Variants in CIITA observed in about 807,000 individuals in gnomAD.
CIITA encodes class II major histocompatibility complex transactivator.
CIITA carries 72 observed loss-of-function variants against 115.1 expected under a neutral mutation model. The ratio of observed to expected loss-of-function variants is 0.63; its 90% CI spans 0.52 to 0.76. CIITA has a LOEUF of 0.76. Ranked by LOEUF, CIITA falls within the 30% of genes least tolerant of loss-of-function variation. The pLI, the probability that CIITA is intolerant of heterozygous loss-of-function variation, is 0.00. For missense variants in CIITA, 1,617 were observed against 1,463.8 expected, an observed-to-expected ratio of 1.10 and a Z score of -1.71; for synonymous variants, 763 against 635.6, an observed-to-expected ratio of 1.20 and a Z score of -3.02.
Position 10,910,272 on chromosome 16 carries a change from G to T in CIITA, c.2888+13G>T. The stretch of plus-strand genomic sequence containing the variant: ...AACTGGAGTTTGCGTAAGCAAAGGG[G>T]TGGATTGTCTTGTGGGTCTGCGCAA... On this transcript the variant is annotated intron_variant, in intron 13 of 19. Transcript: ENST00000324288. 1 of 1,612,594 alleles carries T rather than the reference G, an allele frequency of 6.2e-7. No homozygotes were observed. Among genetic ancestry groups the T allele is most frequent in the Non-Finnish European group, 8.5e-7 (1 of 1,178,870 alleles).
rs2041108660 is a variant in CIITA at position 10,941,955 on chromosome 16, G to C, written n.1081G>C. The stretch of plus-strand genomic sequence containing the variant: ...GCAGCAGCGGCGGCGGCACGTAGGG[G>C]ACCAGGGGGCCCAGTGCGTCCAGGT... On this transcript the variant is annotated non_coding_transcript_exon_variant, in exon 2 of 2. Transcript: ENST00000573379. The surrounding 1 kb of genome is among the most constrained non-coding windows in gnomAD (Gnocchi z 6.4). 19 of 1,570,436 alleles carry C rather than the reference G, an allele frequency of 1.2e-5. No homozygotes were observed. The highest frequency in any genetic ancestry group is 1.6e-5 in the Non-Finnish European group (19 of 1,158,874).
rs1052349114 is a variant in CIITA at position 10,926,130 on chromosome 16, G to A, written c.*2275G>A. ...ACCAGCCCCAGTGCCCACAGGATCA[G>A]TCTGATTCCCAAGCTCTGCTCCTCT... On this transcript the variant is annotated 3_prime_UTR_variant, in exon 20 of 20. Coordinates refer to ENST00000324288, the MANE Select transcript of CIITA (RefSeq NM_000246.4). 2 of 152,268 alleles carry A rather than the reference G, an allele frequency of 1.3e-5. No individual in the cohort carries two copies. Among genetic ancestry groups the A allele is most frequent in the African/African-American group, 4.8e-5 (2 of 41,460 alleles). 9.4% of individuals were successfully genotyped at this position (152,268 alleles called of 1,614,324 possible).
intron 1 of CIITA, 73 bp from the exon 2 acceptor site, chr16:10,895,209 G>A (rs1471837046): frequency 6.4e-7 from 1 of 1,573,350 alleles, no homozygotes; most frequent in Non-Finnish European, 8.7e-7. Flanking sequence ...CCAGCTGGGA[G>A]TTGTTGTAGG....
chr16:10,895,562 C>T, intron 2 of CIITA, 107 bp from the exon 3 acceptor site: 2 of 1,558,710 alleles, frequency 1.3e-6, no homozygotes, highest in Non-Finnish European at 1.8e-6. Context: ...GTGGGACGCT[C>T]TCTGCAGATG....
intron 13 of CIITA, 47 bp from the exon 14 acceptor site, chr16:10,915,523 G>A: frequency 6.8e-7 from 1 of 1,462,004 alleles, no homozygotes; most frequent in Non-Finnish European, 9.6e-7. Flanking sequence ...CTGAATGAGG[G>A]GCTGTGACTG....
chr16:10,941,632 A>G lies in CIITA; in HGVS notation n.758A>G, dbSNP rs2041103894. On this transcript the variant is annotated non_coding_transcript_exon_variant, in exon 2 of 2. Transcript: ENST00000573379. The surrounding 1 kb of genome is among the most constrained non-coding windows in gnomAD (Gnocchi z 6.4). ...CATCCCCGTCCAGATGGTGCCCCCA[A>G]CCAGCTGCGGCGGCATGATCTGGGC... The G allele has an allele frequency of 4.6e-6, 7 of 1,524,866 alleles. No homozygotes were observed. The highest frequency in any genetic ancestry group is 1.8e-4 in the Middle Eastern group (1 of 5,496). The allele number at this position is 1,524,866 out of a possible 1,614,324, so 94.5% of individuals were successfully genotyped here.
downstream of CIITA, chr16:10,936,395 G>A (rs1313329766): frequency 1.3e-5 from 2 of 152,148 alleles, no homozygotes; most frequent in African/African-American, 2.4e-5. Context: ...TAGGAGTAAA[G>A]GTGCATAATG....
chr16:10,915,784 T>G, intron 14 of CIITA, 134 bp downstream of exon 14: 1 of 816,228 alleles, frequency 1.2e-6, no homozygotes, highest in Admixed American at 2.0e-5. Flanking sequence ...GGACCACAGG[T>G]GCATGCTACA....
chr16:10,875,401 A>G (rs1288319834), upstream of CIITA, among the ~76,000 whole-genome samples: 1 of 152,182 alleles, frequency 6.6e-6, no homozygotes, highest in Non-Finnish European at 1.5e-5. Context: ...AAGGCTTCAA[A>G]GTAATCACCT....
intron 7 of CIITA, 82 bp from the exon 8 acceptor site, chr16:10,902,576 G>A: frequency 6.4e-7 from 1 of 1,574,136 alleles, no homozygotes; most frequent in Non-Finnish European, 8.7e-7. Flanking sequence ...AGGGGGGTCA[G>A]ACATTAATCA....
chr16:10,937,798 G>A (rs972961035), downstream of CIITA: 1 of 152,224 alleles, frequency 6.6e-6, no homozygotes, highest in African/African-American at 2.4e-5. The surrounding 1 kb of genome is among the most constrained non-coding windows in gnomAD (Gnocchi z 4.2). Flanking sequence ...CCCATTCCCT[G>A]CTCCTGGGCA....
chr16:10,922,161 C>G lies in CIITA; in HGVS notation c.3150-6C>G. ...AATCCCTCCCCCTGGCCTCTGTTTC[C>G]GACAGCTTGTACAATAACTGCATCT... is the stretch of plus-strand genomic sequence containing the variant. On this transcript the variant is annotated splice_region_variant and splice_polypyrimidine_tract_variant and intron_variant, in intron 16 of 19. Coordinates refer to ENST00000324288, the MANE Select transcript of CIITA (RefSeq NM_000246.4). The G allele has an allele frequency of 6.2e-7, 1 of 1,614,118 alleles. No homozygotes were observed. The highest frequency in any genetic ancestry group is 8.5e-7 in the Non-Finnish European group (1 of 1,179,952).
At position 10,901,880 on chromosome 16, in the gene CIITA, C is replaced by A. The variant is rs2038795474; in HGVS notation, c.482-158C>A. 3 of 1,065,220 alleles carry A rather than the reference C, an allele frequency of 2.8e-6. No homozygotes were observed. The highest frequency in any genetic ancestry group is 4.2e-6 in the Non-Finnish European group (3 of 706,814). The allele number at this position is 1,065,220 out of a possible 1,614,324, so 66.0% of individuals were successfully genotyped here. On this transcript the variant is annotated intron_variant, in intron 6 of 19. Coordinates refer to ENST00000324288, the MANE Select transcript of CIITA (RefSeq NM_000246.4). The surrounding 1 kb of genome is among the most constrained non-coding windows in gnomAD (Gnocchi z 6.8). ...AGGAGAGGACTGGGGGACTGCCTGG[C>A]ACAGAGCAGTTGCTGATCAACACAG...
intron 1 of CIITA, chr16:10,888,656 A>C (rs2037205579): frequency 6.6e-6 from 1 of 152,238 alleles, no homozygotes; most frequent in Admixed American, 6.5e-5. Flanking sequence ...TATTTTCTCG[A>C]GTTGGATGTG....
At chr16:10,897,149 G>T (rs1028298697) in intron 3 of CIITA, among the ~76,000 whole-genome samples, 14 of 152,166 alleles carry the variant, frequency 9.2e-5, no homozygotes, top group Non-Finnish European at 1.5e-5. Context: ...ACCTGACACT[G>T]AGTAATTTAT....
chr16:10,900,643 G>A (rs932413004), intron 5 of CIITA, among the ~76,000 whole-genome samples: 2 of 152,042 alleles, frequency 1.3e-5, no homozygotes, highest in Non-Finnish European at 2.9e-5. Flanking sequence ...GGGAGGCTAG[G>A]GTGGGAGAAT....
Position 10,901,395 on chromosome 16 carries a change from A to AT in CIITA, c.437-119_437-118insT, listed in dbSNP as rs2144530636. 1 of 1,040,978 alleles carries AT rather than the reference A, an allele frequency of 9.6e-7. No homozygotes were observed. The highest frequency in any genetic ancestry group is 1.3e-5 in the South Asian group (1 of 75,314). 64.5% of individuals were successfully genotyped at this position (1,040,978 alleles called of 1,614,324 possible). On this transcript the variant is annotated intron_variant, in intron 5 of 19. Transcript: ENST00000324288. The surrounding 1 kb of genome is among the most constrained non-coding windows in gnomAD (Gnocchi z 6.8). Reference sequence around the variant, plus strand: ...TGTTAGAGCGAGGGGAGGAAAATGGACCCCCAAGACCACTACCCAGCCTTG... The same window carrying AT: ...TGTTAGAGCGAGGGGAGGAAAATGGATCCCCCAAGACCACTACCCAGCCTTG...
In CIITA at chr16:10,889,175, G is replaced by T. The variant is rs530523866; in HGVS notation, c.53-6107G>T. On this transcript the variant is annotated intron_variant, in intron 1 of 19. Coordinates refer to ENST00000324288, the MANE Select transcript of CIITA (RefSeq NM_000246.4). ...TGAAGGGCTCTCTCTCCTGCCACGG[G>T]ATGATCAGGGCCATCTTTTCCCTCC... 2.8e-4 allele frequency among the ~76,000 whole-genome samples: 43 copies of T among 152,330 alleles called. 2 individuals are homozygous for T. The highest frequency in any genetic ancestry group is 9.9e-4 in the African/African-American group (41 of 41,568).
At chr16:10,891,732 C>T (rs1262503577) in intron 1 of CIITA, among the ~76,000 whole-genome samples, 1 of 152,212 alleles carries the variant, frequency 6.6e-6, no homozygotes. Flanking sequence ...GCCTGTGTCC[C>T]TGACCAAGGG....
Sources: gnomAD v4.1 joint callset for allele counts (sites outside exome capture counted in the v4.1 genomes callset) on GRCh38, gnomAD v4.1.1 for gene constraint, Gnocchi (gnomAD v3.1) non-coding constraint, MANE v1.5 for transcripts, NCBI Gene and HGNC (gene_info 2026-07-23, HGNC 2026-07-21) for gene names.